The following GATM variants were observed in gnomAD, a reference collection of about 807,000 sequenced individuals.
GATM encodes the protein glycine amidinotransferase, mitochondrial.
In GATM, 23 loss-of-function variants were observed where a neutral mutation model predicts 54.2. That is an observed-to-expected ratio of 0.42 (90% CI 0.31 to 0.60). GATM has a LOEUF of 0.60. Ranked by LOEUF, GATM falls within the 20% of genes least tolerant of loss-of-function variation. The pLI, the probability that GATM is intolerant of heterozygous loss-of-function variation, is 0.14. For missense variants in GATM, 401 were observed against 544.9 expected (o/e 0.74, Z 2.63); for synonymous variants, 168 against 183.1 (o/e 0.92, Z 0.67).
chr15:45,381,974 A>G (rs543243967), upstream of GATM, among the ~76,000 whole-genome samples: 36 of 152,226 alleles, frequency 2.4e-4, no homozygotes, highest in Non-Finnish European at 4.9e-4. Flanking sequence ...GGAATGAGAG[A>G]GATTTTCCAC....
chr15:45,389,030 C>A (rs1889838559), intron 3 of GATM, among the ~76,000 whole-genome samples: 1 of 152,122 alleles, frequency 6.6e-6, no homozygotes, highest in Non-Finnish European at 1.5e-5. Flanking sequence ...TTGTGCAAGA[C>A]AGTAACGTTT....
rs529790650 is a variant in GATM at position 45,364,244 on chromosome 15, C to T, written c.1043-228G>A. 2.9e-4 allele frequency: 153 copies of T among 529,888 alleles called. 1 individual carries two copies. The East Asian group carries it at 5.0e-3, about 17-fold the overall frequency. The allele number at this position is 529,888 out of a possible 1,614,324, so 32.8% of individuals were successfully genotyped here. The stretch of plus-strand genomic sequence containing the variant: ...TTTTCTTTTAAAAGTCATATCTTGG[C>T]TGGGCATGGTATAATCCTAGCACTT... On this transcript the variant is annotated intron_variant, in intron 7 of 8. Coordinates refer to ENST00000396659, the MANE Select transcript of GATM (RefSeq NM_001482.3).
intron 3 of GATM, among the ~76,000 whole-genome samples, chr15:45,396,497 A>G (rs1332750640): frequency 3.9e-5 from 6 of 152,206 alleles, no homozygotes; most frequent in East Asian, 1.9e-4. Flanking sequence ...TATTGATGGT[A>G]GAAATAGAAA....
intron 5 of GATM, 79 bp downstream of exon 5, chr15:45,366,291 AT>A (rs991526064): frequency 6.2e-7 from 1 of 1,606,546 alleles, no homozygotes; most frequent in Admixed American, 1.7e-5. Flanking sequence ...GGTGAAAAAA[AT>A]TTAGGATGAA....
At position 45,369,176 on chromosome 15, in the gene GATM, A is replaced by G. The variant is rs943673808; in HGVS notation, c.484+150T>C. 5 of 659,406 alleles carry G rather than the reference A, an allele frequency of 7.6e-6. No individual in the cohort carries two copies. The African/African-American group carries it at 9.1e-5, about 12-fold the overall frequency. The allele number at this position is 659,406 out of a possible 1,614,324, so 40.8% of individuals were successfully genotyped here. On this transcript the variant is annotated intron_variant, in intron 3 of 8. Transcript: ENST00000396659. ...ATACATCTTAATCATATCAACATGG[A>G]CCAAACCATTCCTAAATAAATCTTT...
intron 1 of GATM, 24 bp downstream of exon 1, chr15:45,378,348 TCACGCGGCCGCCA>T: frequency 6.7e-7 from 1 of 1,486,820 alleles, no homozygotes; most frequent in Non-Finnish European, 9.0e-7. Flanking sequence ...ATCGAGTGAG[TCACGCGGCCGCCA>T]GACGAGGCCG....
At chr15:45,378,700 G>A, upstream of GATM, 1 of 389,262 alleles carries the variant, frequency 2.6e-6, no homozygotes, top group Non-Finnish European at 4.6e-6. Context: ...TCGAGCCTCC[G>A]ATGCTTGCCC....
chr15:45,367,265 C>T (rs146324754), intron 4 of GATM, among the ~76,000 whole-genome samples: 4 of 151,798 alleles, frequency 2.6e-5, no homozygotes, highest in East Asian at 1.9e-4. Context: ...TGCTGGAACC[C>T]GGGAGGCAGA....
At chr15:45,369,819 G>A in intron 2 of GATM, 1 of 387,034 alleles carries the variant, frequency 2.6e-6, no homozygotes, top group Non-Finnish European at 4.8e-6. Context: ...GAATCCTCTT[G>A]GCCAGTTTTT....
intron 2 of GATM, 36 bp from the exon 3 acceptor site, chr15:45,369,557 G>A: frequency 6.3e-7 from 1 of 1,581,556 alleles, no homozygotes. Context: ...ATACTTACAG[G>A]AGAAAAATAC....
intron 2 of GATM, chr15:45,397,260 G>A (rs1182364780): frequency 2.0e-5 from 3 of 152,140 alleles, no homozygotes; most frequent in Non-Finnish European, 4.4e-5. Context: ...TTTCCTGAGT[G>A]ATAGGAGCAG....
At chr15:45,382,292 C>A (rs1214041051), upstream of GATM, among the ~76,000 whole-genome samples, 1 of 152,170 alleles carries the variant, frequency 6.6e-6, no homozygotes, top group Admixed American at 6.5e-5. Flanking sequence ...GGAACCTTGG[C>A]ATAGGGGAGT....
intron 2 of GATM, among the ~76,000 whole-genome samples, chr15:45,399,174 C>A (rs1021489837): frequency 4.6e-5 from 7 of 152,130 alleles, no homozygotes; most frequent in Admixed American, 2.6e-4. Context: ...TGAATTCCAT[C>A]GGTTTGGATT....
intron 2 of GATM, among the ~76,000 whole-genome samples, chr15:45,371,565 C>T (rs1889544422): frequency 6.6e-6 from 1 of 152,126 alleles, no homozygotes; most frequent in Non-Finnish European, 1.5e-5. Flanking sequence ...ATTTGGTTTC[C>T]CAGCAATCCT....
chr15:45,373,367 G>A (rs1399258887), intron 2 of GATM: 1 of 152,196 alleles, frequency 6.6e-6, no homozygotes. Flanking sequence ...GCCAGGCCTG[G>A]TGGGGGACAC....
At chr15:45,371,044 A>AT (rs1343205579) in intron 2 of GATM, among the ~76,000 whole-genome samples, 1 of 152,220 alleles carries the variant, frequency 6.6e-6, no homozygotes, top group Non-Finnish European at 1.5e-5. Context: ...AAGGGCTGGG[A>AT]TTATAGGTGT....
intron 3 of GATM, among the ~76,000 whole-genome samples, chr15:45,396,606 C>T (rs985147982): frequency 1.3e-5 from 2 of 152,090 alleles, no homozygotes; most frequent in African/African-American, 2.4e-5. Context: ...CACAGTGGCT[C>T]ACACCTGTAA....
At chr15:45,389,055 A>G (rs1216224952) in intron 3 of GATM, among the ~76,000 whole-genome samples, 1 of 152,246 alleles carries the variant, frequency 6.6e-6, no homozygotes, top group East Asian at 1.9e-4. Flanking sequence ...GATATAAAAT[A>G]GTTGGAATAT....
At chr15:45,374,008 T>A (rs1177628129) in intron 2 of GATM, among the ~76,000 whole-genome samples, 1 of 152,220 alleles carries the variant, frequency 6.6e-6, no homozygotes, top group African/African-American at 2.4e-5. Context: ...ACTGGATCCA[T>A]ACAACTATAA....
Sources: allele counts gnomAD v4.1 joint callset (sites outside exome capture counted in the v4.1 genomes callset), GRCh38; gene constraint gnomAD v4.1.1; transcripts MANE v1.5; gene names NCBI Gene and HGNC (gene_info 2026-07-23, HGNC 2026-07-21).